The following NUP205 variants were observed in gnomAD, a reference collection of about 807,000 sequenced individuals.
NUP205 encodes the protein nuclear pore complex protein Nup205.
In NUP205, 76 loss-of-function variants were observed where a neutral mutation model predicts 253.8. That is an observed-to-expected ratio of 0.30 (90% confidence interval 0.25 to 0.36). The LOEUF (loss-of-function observed/expected upper bound fraction) is 0.36. NUP205 is among the 10% of genes least tolerant of loss of function. NUP205 has a pLI of 1.00. For synonymous variants in NUP205, 832 were observed against 850.1 expected (o/e 0.98, Z 0.37); for missense variants, 2,162 against 2,425.5 (o/e 0.89, Z 2.28).
intron 7 of NUP205, among the ~76,000 whole-genome samples, chr7:135,583,467 G>T (rs1806365850): frequency 6.6e-6 from 1 of 152,036 alleles, no homozygotes; most frequent in Non-Finnish European, 1.5e-5. Flanking sequence ...TAGTTTTAAA[G>T]ATGTGATAAT....
At chr7:135,568,536 G>A (rs1016232950) in intron 1 of NUP205, among the ~76,000 whole-genome samples, 2 of 151,970 alleles carry the variant, frequency 1.3e-5, no homozygotes, top group Non-Finnish European at 2.9e-5. Flanking sequence ...TTTTTACCAT[G>A]TTGGCCAGGC....
At chr7:135,639,264 CTTTG>C (rs1022120497) in intron 38 of NUP205, among the ~76,000 whole-genome samples, 3 of 152,096 alleles carry the variant, frequency 2.0e-5, no homozygotes, top group South Asian at 2.1e-4. Flanking sequence ...TTCAGGAAGT[CTTTG>C]TTTGAGATCT....
chr7:135,619,934 T>G, intron 30 of NUP205, 46 bp downstream of exon 30: 3 of 1,244,072 alleles, frequency 2.4e-6, no homozygotes, highest in Non-Finnish European at 3.5e-6. Flanking sequence ...GGGAGATGGT[T>G]ACTTTAAATT....
chr7:135,587,058 T>G (rs548384866), intron 8 of NUP205, among the ~76,000 whole-genome samples: 87 of 142,038 alleles, frequency 6.1e-4, no homozygotes, highest in African/African-American at 2.1e-3. Flanking sequence ...TAGCTATGTT[T>G]TTTTTTTTTT....
chr7:135,631,343 T>C (rs1794710587), intron 35 of NUP205, among the ~76,000 whole-genome samples: 1 of 152,204 alleles, frequency 6.6e-6, no homozygotes, highest in African/African-American at 2.4e-5. Context: ...TCCAGACAAA[T>C]GTTTCTTTAC....
intron 41 of NUP205, 80 bp from the exon 42 acceptor site, chr7:135,646,078 A>G (rs1795003109): frequency 4.5e-6 from 4 of 890,956 alleles, no homozygotes; most frequent in Non-Finnish European, 7.5e-6. Flanking sequence ...TATTGTTATT[A>G]TTCATTGTCA....
chr7:135,600,873 G>C lies in NUP205; in HGVS notation c.2278G>C (p.Glu760Gln), dbSNP rs752199649. The C allele has an allele frequency of 2.5e-6, 4 of 1,599,406 alleles. No homozygotes were observed. In the Admixed American group the frequency reaches 6.7e-5, roughly 27 times the overall value. Residue 760 changes from glutamate (E) to glutamine (Q), a missense_variant, in exon 16 of 43, where the codon GAA becomes CAA. Physicochemically the swap from Glu to Gln is conservative, Grantham distance 29. This residue lies in a region of NUP205 where 892 missense variants were observed against 957.1 expected (regional missense o/e 0.93). Transcript: ENST00000285968. The stretch of plus-strand genomic sequence containing the variant: ...ACCTATTTATATCTTTCTATAGTGG[G>C]AAGTTGCTGAGGTGGTTTTGGAGGT... ...RAYRRAAEKW[E>Q]VAEVVLEVFY...
intron 15 of NUP205, among the ~76,000 whole-genome samples, chr7:135,600,339 A>G (rs771488947): frequency 2.0e-5 from 3 of 152,210 alleles, no homozygotes; most frequent in Non-Finnish European, 4.4e-5. Flanking sequence ...GACTATAGTC[A>G]CGGATGGAAC....
chr7:135,558,102 G>A (rs1421686536), intron 1 of NUP205, 130 bp downstream of exon 1: 1 of 794,114 alleles, frequency 1.3e-6, no homozygotes, highest in Non-Finnish European at 2.2e-6. Context: ...CCTAATTCTG[G>A]GCCTAGAGTC....
chr7:135,643,435 A>C (rs1794951689), intron 39 of NUP205, 77 bp downstream of exon 39: 1 of 1,130,720 alleles, frequency 8.8e-7, no homozygotes, highest in African/African-American at 1.5e-5. Context: ...GACTGAGTAA[A>C]GACAACGTAT....
chr7:135,609,855 A>C (rs1015207724), intron 22 of NUP205, among the ~76,000 whole-genome samples: 16 of 152,216 alleles, frequency 1.1e-4, no homozygotes, highest in African/African-American at 3.4e-4. Flanking sequence ...AATTTGATGT[A>C]CATATTAGCA....
intron 33 of NUP205, among the ~76,000 whole-genome samples, chr7:135,626,714 A>T (rs1000333961): frequency 3.9e-5 from 6 of 152,054 alleles, no homozygotes; most frequent in Admixed American, 2.0e-4. Flanking sequence ...TTATATATAT[A>T]TTTTTTCTGA....
rs758635534 is a variant in NUP205 at position 135,587,806 on chromosome 7, A to AT, written c.1336-44dup. ...AATGTCCTTTTTTTTATTGAAAGTA[A>AT]TTTTTCAGTCATAGACATTTCCCTA... On this transcript the variant is annotated intron_variant, in intron 9 of 42. Transcript: ENST00000285968. 3.2e-5 allele frequency: 50 copies of AT among 1,553,468 alleles called. No homozygotes were observed. The African/African-American group carries it at 6.4e-4, about 20-fold the overall frequency.
chr7:135,625,039 C>T (rs2129491698), intron 31 of NUP205, 125 bp from the exon 32 acceptor site: 1 of 795,470 alleles, frequency 1.3e-6, no homozygotes, highest in South Asian at 1.9e-5. Context: ...AATTTTGTTG[C>T]AAGTAACATT....
intron 14 of NUP205, chr7:135,597,705 G>T: frequency 2.2e-6 from 1 of 449,000 alleles, no homozygotes. Flanking sequence ...CCTGAAATGA[G>T]AGTTAATTAT....
At chr7:135,643,870 T>G (rs2129492646) in intron 39 of NUP205, among the ~76,000 whole-genome samples, 1 of 152,316 alleles carries the variant, frequency 6.6e-6, no homozygotes, top group South Asian at 2.1e-4. Context: ...CCTTTTCCAT[T>G]TGGCACAGCT....
chr7:135,597,451 C>G (rs986659964), intron 14 of NUP205, 33 bp downstream of exon 14: 2 of 1,306,822 alleles, frequency 1.5e-6, no homozygotes, highest in African/African-American at 2.9e-5. Flanking sequence ...AATGTTAATT[C>G]ATTCATGCAT....
intron 7 of NUP205, among the ~76,000 whole-genome samples, chr7:135,579,876 G>A (rs897506419): frequency 6.6e-6 from 1 of 152,116 alleles, no homozygotes; most frequent in Non-Finnish European, 1.5e-5. Context: ...GAACTCCTGA[G>A]CTCAGGTGAT....
intron 2 of NUP205, 33 bp downstream of exon 2, chr7:135,571,280 T>C: frequency 2.5e-6 from 1 of 405,120 alleles, no homozygotes. Flanking sequence ...TTTTTTGGGA[T>C]TTTTTTTTTT....
Sources: allele counts gnomAD v4.1 joint callset (sites outside exome capture counted in the v4.1 genomes callset), GRCh38; gene constraint gnomAD v4.1.1; regional missense constraint gnomAD v4.1.1; transcripts MANE v1.5; gene names NCBI Gene and HGNC (gene_info 2026-07-23, HGNC 2026-07-21).